Variants in ZNF638 observed in about 807,000 individuals in gnomAD.
ZNF638 encodes the protein CTCL tumor antigen se33-1.
A neutral mutation model predicts 195.6 loss-of-function variants in ZNF638; 46 were observed. The ratio of observed to expected loss-of-function variants is 0.24; its 90% CI spans 0.19 to 0.30. The LOEUF (loss-of-function observed/expected upper bound fraction) is 0.30. Ranked by LOEUF, ZNF638 falls within the 10% of genes least tolerant of loss-of-function variation. The pLI is 1.00. For synonymous variants in ZNF638, 845 were observed against 772.0 expected (o/e 1.09, Z -1.57); for missense variants, 2,440 against 2,325.3 (o/e 1.05, Z -1.01).
Position 71,428,583 on chromosome 2 carries a change from C to T in ZNF638, c.5582C>T (p.Thr1861Ile), listed in dbSNP as rs751243733. 3 of 1,614,078 alleles carry T rather than the reference C, an allele frequency of 1.9e-6. No homozygotes were observed. Among genetic ancestry groups the T allele is most frequent in the Non-Finnish European group, 2.5e-6 (3 of 1,179,986 alleles). ...TPTKRVRIGK[T>I]LPSEKAVVTE... ...ACCAAGAGAGTTAGAATTGGGAAAA[C>T]TCTGCCATCAGAAAAAGCTGTTGTG... is the stretch of plus-strand genomic sequence containing the variant. The change falls in exon 25 of 28, where the codon ACT (threonine) becomes ATT (isoleucine). Residue 1861 changes from threonine (T) to isoleucine (I), a missense_variant. Around this residue, in one of 5 missense-constraint regions of ZNF638, gnomAD observed 1,883 missense variants for 1,739.1 expected, o/e 1.08. Transcript: ENST00000264447.
intron 13 of ZNF638, 118 bp downstream of exon 13, chr2:71,399,763 G>T (rs1021075572): frequency 3.8e-6 from 3 of 779,268 alleles, no homozygotes; most frequent in Non-Finnish European, 6.2e-6. Flanking sequence ...GGGGTTTGTT[G>T]TACAGGTTAT....
chr2:71,361,299 T>C (rs1233873317), intron 3 of ZNF638, among the ~76,000 whole-genome samples: 1 of 152,200 alleles, frequency 6.6e-6, no homozygotes, highest in Admixed American at 6.5e-5. Flanking sequence ...TTGTGAACCA[T>C]AAACTAGAGA....
chr2:71,426,579 A>C lies in ZNF638; in HGVS notation c.4710A>C (p.Lys1570Asn). 6.2e-7 allele frequency: 1 copy of C among 1,614,166 alleles called. No individual in the cohort carries two copies. Among genetic ancestry groups the C allele is most frequent in the Non-Finnish European group, 8.5e-7 (1 of 1,180,016 alleles). The change falls in exon 24 of 28, where the codon AAA becomes AAC. Residue 1570 changes from lysine (K) to asparagine (N), a missense_variant. Physicochemically the swap from Lys to Asn is moderately conservative, Grantham distance 94 (BLOSUM62 0). Coordinates refer to ENST00000264447, the MANE Select transcript of ZNF638 (RefSeq NM_014497.5). ...AGGGAAAAAGGAAAGAAACTCTCAAAAATGTTCCTTTCTCTGAACTTAACT... is the reference window on the plus strand; with the variant it reads ...AGGGAAAAAGGAAAGAAACTCTCAACAATGTTCCTTTCTCTGAACTTAACT... ...PLKGKRKETL[K>N]NVPFSELNLK...
rs1396578894 is a variant in ZNF638 at position 71,386,485 on chromosome 2, C to G, written c.2377+5920C>G. Among the ~76,000 whole-genome samples the G allele has an allele frequency of 3.9e-5, 6 of 152,056 alleles. No individual in the cohort carries two copies. The South Asian group carries it at 8.3e-4, about 21-fold the overall frequency. On this transcript the variant is annotated intron_variant, in intron 10 of 27. Transcript: ENST00000264447. ...TGAGAATATGCATCAACACCTCTTT[C>G]AGTTAAAATAAATATTTTTTAAAAC...
In ZNF638 at chr2:71,423,464, C is replaced by A; in HGVS notation, c.3950C>A (p.Thr1317Asn). ...GAAAAGGAGGAGAAGGAATTTAATA[C>A]TAAGGAAACCAGAATGGATCTTCAA... ...MDEKEEKEFN[T>N]KETRMDLQIG... The change falls in exon 22 of 28, where the codon ACT becomes AAT. Residue 1317 changes from threonine (T) to asparagine (N), a missense_variant. By Grantham distance (65) the Thr-to-Asn change is moderately conservative (BLOSUM62 0). Transcript: ENST00000264447. 1 of 1,613,196 alleles carries A rather than the reference C, an allele frequency of 6.2e-7. No homozygotes were observed.
rs530417463 is a variant in ZNF638 at position 71,429,977 on chromosome 2, C to T, written c.5650+1326C>T. On this transcript the variant is annotated intron_variant, in intron 25 of 27. Coordinates refer to ENST00000264447, the MANE Select transcript of ZNF638 (RefSeq NM_014497.5). ...GTTCTCGCATGATTTCATGAGGTCA[C>T]CCCCCGACTTCAGAATTTCTGTATG... Among the ~76,000 whole-genome samples the T allele has an allele frequency of 2.4e-3, 371 of 152,232 alleles. 1 individual carries two copies. The highest frequency in any genetic ancestry group is 8.2e-3 in the African/African-American group (340 of 41,560).
chr2:71,334,749 C>G (rs991111467), intron 1 of ZNF638, among the ~76,000 whole-genome samples: 9 of 152,030 alleles, frequency 5.9e-5, no homozygotes, highest in African/African-American at 2.2e-4. Context: ...GAATCCCCAT[C>G]TCTACTAAAA....
At chr2:71,421,079 A>G (rs757683194) in intron 21 of ZNF638, among the ~76,000 whole-genome samples, 2 of 152,154 alleles carry the variant, frequency 1.3e-5, no homozygotes, top group African/African-American at 4.8e-5. Context: ...TCCTAGCCCC[A>G]TAGATGTTTT....
intron 10 of ZNF638, among the ~76,000 whole-genome samples, chr2:71,389,217 G>C (rs1467364817): frequency 6.6e-6 from 1 of 152,136 alleles, no homozygotes; most frequent in East Asian, 1.9e-4. Flanking sequence ...TTGGAAAAAA[G>C]ACAAGGGATA....
Position 71,397,879 on chromosome 2 carries a change from A to T in ZNF638, c.2429-822A>T, listed in dbSNP as rs369542660. Among the ~76,000 whole-genome samples the T allele has an allele frequency of 4.6e-4, 70 of 152,350 alleles. No individual in the cohort carries two copies. In the South Asian group the frequency reaches 0.013, roughly 27 times the overall value. ...AAATAATGGTCAGAGCAATTTAAAT[A>T]GTACTGTACAGCTAGGAAACTGTAG... On this transcript the variant is annotated intron_variant, in intron 11 of 27. Coordinates refer to ENST00000264447, the MANE Select transcript of ZNF638 (RefSeq NM_014497.5).
intron 3 of ZNF638, among the ~76,000 whole-genome samples, chr2:71,360,119 GC>G (rs1231151683): frequency 1.3e-5 from 2 of 152,066 alleles, no homozygotes; most frequent in Non-Finnish European, 2.9e-5. Context: ...TAGCTCATGG[GC>G]CTTTATCATC....
At chr2:71,394,250 C>T (rs1373417635) in intron 10 of ZNF638, among the ~76,000 whole-genome samples, 2 of 152,014 alleles carry the variant, frequency 1.3e-5, no homozygotes, top group Non-Finnish European at 2.9e-5. Flanking sequence ...TGATTTGGGC[C>T]AAAGGGGGGA....
At chr2:71,380,935 G>A (rs2079524848) in intron 10 of ZNF638, 1 of 126,176 alleles carries the variant, frequency 7.9e-6, no homozygotes, top group African/African-American at 2.5e-5. Context: ...GGTCCTCTTT[G>A]ATTTTGGAGG....
At position 71,356,890 on chromosome 2, in the gene ZNF638, T is replaced by C. The variant is rs560067544; in HGVS notation, c.1379+1110T>C. On this transcript the variant is annotated intron_variant, in intron 3 of 27. Transcript: ENST00000264447. ...TAATAAGTTTCAGGAGCAGCTGTAT[T>C]GGATGCTCAAATAAAAATTGGTGTC... 3.9e-5 allele frequency among the ~76,000 whole-genome samples: 6 copies of C among 152,288 alleles called. No homozygotes were observed. The East Asian group carries it at 1.2e-3, about 29-fold the overall frequency.
At chr2:71,409,630 T>C (rs1292539514) in intron 20 of ZNF638, among the ~76,000 whole-genome samples, 1 of 152,144 alleles carries the variant, frequency 6.6e-6, no homozygotes, top group East Asian at 1.9e-4. Context: ...AGTAGGTAGA[T>C]TATGGTTTTC....
rs542997928 is a variant in ZNF638 at position 71,349,634 on chromosome 2, G to A, written c.680G>A (p.Arg227His). ...YGYTEDPLEVRIYDPEIPTDE... is the reference protein window; with the variant it reads ...YGYTEDPLEVHIYDPEIPTDE... ...TACACAGAAGATCCACTTGAAGTAC[G>A]TATTTATGATCCTGAAATTCCAACT... Residue 227 changes from arginine to histidine, a missense_variant, in exon 2 of 28, where the codon CGT (arginine) becomes CAT (histidine). Arg to His is a conservative substitution (Grantham distance 29). Around this residue, in one of 5 missense-constraint regions of ZNF638, gnomAD observed 305 missense variants for 283.6 expected, o/e 1.08. Coordinates refer to ENST00000264447, the MANE Select transcript of ZNF638 (RefSeq NM_014497.5). 22 of 1,614,192 alleles carry A rather than the reference G, an allele frequency of 1.4e-5. No homozygotes were observed. Among genetic ancestry groups the A allele is most frequent in the Non-Finnish European group, 1.8e-5 (21 of 1,180,044 alleles).
At chr2:71,433,365 T>G (rs1049851725) in intron 27 of ZNF638, 82 bp downstream of exon 27, 24 of 979,924 alleles carry the variant, frequency 2.4e-5, no homozygotes, top group Middle Eastern at 2.9e-4. Flanking sequence ...AACGTACATT[T>G]CCCCCCGCTT....
chr2:71,353,621 G>T (rs2078977484), intron 2 of ZNF638, among the ~76,000 whole-genome samples: 1 of 152,166 alleles, frequency 6.6e-6, no homozygotes, highest in Non-Finnish European at 1.5e-5. Flanking sequence ...GTGTGTATGT[G>T]TGTTGAACTG....
chr2:71,404,060 C>T (rs1336328738), intron 17 of ZNF638, 62 bp downstream of exon 17: 7 of 1,513,438 alleles, frequency 4.6e-6, no homozygotes, highest in Non-Finnish European at 6.3e-6. Flanking sequence ...TTGTTACAGT[C>T]TGTTATGTTT....
Sources: allele counts gnomAD v4.1 joint callset (sites outside exome capture counted in the v4.1 genomes callset), GRCh38; gene constraint gnomAD v4.1.1; regional missense constraint gnomAD v4.1.1; transcripts MANE v1.5; gene names NCBI Gene and HGNC (gene_info 2026-07-23, HGNC 2026-07-21).